APC: variants seen among roughly 807,000 people sequenced by gnomAD.
The protein encoded by APC is APC regulator of Wnt signaling pathway, also known as adenomatous polyposis coli protein.
APC carries 72 observed loss-of-function variants against 247.0 expected under a neutral mutation model. The ratio of observed to expected loss-of-function variants is 0.29; its 90% confidence interval spans 0.24 to 0.35. The LOEUF (loss-of-function observed/expected upper bound fraction) is 0.35. Among genes scored for constraint, APC ranks in the 10% least tolerant of loss-of-function variants. The pLI, the probability that APC is intolerant of heterozygous loss-of-function variation, is 1.00. For missense variants in APC, 3,400 were observed against 3,360.7 expected (o/e 1.01, Z -0.29); for synonymous variants, 1,254 against 1,162.5 (o/e 1.08, Z -1.60).
chr5:112,732,367 C>T (rs143553491), intron 1 of APC, among the ~76,000 whole-genome samples: 1,718 of 152,216 alleles, frequency 0.011, 33 homozygotes, highest in African/African-American at 0.039. Flanking sequence ...AAAAGCTCCT[C>T]GGAGTACTAA....
upstream of APC, among the ~76,000 whole-genome samples, chr5:112,736,716 C>G (rs924700193): frequency 6.6e-6 from 1 of 152,130 alleles, no homozygotes; most frequent in African/African-American, 2.4e-5. Flanking sequence ...GAGATTGAGA[C>G]CATCCTGGCC....
chr5:112,830,001 C>A (rs758813829), intron 14 of APC: 13 of 152,118 alleles, frequency 8.5e-5, no homozygotes, highest in Non-Finnish European at 1.3e-4. Flanking sequence ...CTTAGCTAGT[C>A]TAGGTTTCCT....
chr5:112,818,317 T>C (rs1762714110), intron 9 of APC, among the ~76,000 whole-genome samples: 1 of 152,234 alleles, frequency 6.6e-6, no homozygotes, highest in African/African-American at 2.4e-5. Flanking sequence ...GTAGAATTTA[T>C]TGTCAGAGAG....
intron 4 of APC, among the ~76,000 whole-genome samples, chr5:112,771,067 G>T (rs1756992609): frequency 6.6e-6 from 1 of 151,758 alleles, no homozygotes; most frequent in South Asian, 2.1e-4. Flanking sequence ...GAAATAAGTG[G>T]GTTTTTTTAG....
chr5:112,787,892 G>A (rs1164917036), intron 6 of APC, among the ~76,000 whole-genome samples: 1 of 152,054 alleles, frequency 6.6e-6, no homozygotes, highest in Admixed American at 6.6e-5. Flanking sequence ...TGTATGTTGT[G>A]GAGGCAGGAA....
intron 1 of APC, among the ~76,000 whole-genome samples, chr5:112,717,908 C>CTTTTTTTTTTTTTTT: frequency 0.016 from 658 of 40,674 alleles, 220 homozygotes; most frequent in Middle Eastern, 0.037. Flanking sequence ...TTTTCTTTTT[C>CTTTTTTTTTTTTTTT]TTTTTTTTTT....
intron 1 of APC, among the ~76,000 whole-genome samples, chr5:112,744,394 T>C (rs1753404734): frequency 6.6e-6 from 1 of 152,256 alleles, no homozygotes; most frequent in African/African-American, 2.4e-5. Flanking sequence ...TATATGGCTG[T>C]CGCTGAGTAA....
At chr5:112,799,848 G>A (rs1403334797) in intron 7 of APC, among the ~76,000 whole-genome samples, 1 of 152,018 alleles carries the variant, frequency 6.6e-6, no homozygotes, top group Non-Finnish European at 1.5e-5. Flanking sequence ...TGGGTCCTCT[G>A]CATGTGATCT....
intron 8 of APC, among the ~76,000 whole-genome samples, chr5:112,806,496 C>A (rs1761395988): frequency 1.3e-5 from 2 of 152,094 alleles, no homozygotes; most frequent in African/African-American, 2.4e-5. Context: ...CAGGCCAGAT[C>A]CCTGCTTGCT....
chr5:112,791,521 G>A (rs564529898), intron 6 of APC, among the ~76,000 whole-genome samples: 1 of 152,136 alleles, frequency 6.6e-6, no homozygotes, highest in African/African-American at 2.4e-5. Context: ...ACATGTGAGG[G>A]ATCTAGGTTG....
intron 1 of APC, among the ~76,000 whole-genome samples, chr5:112,732,421 G>A (rs770126496): frequency 7.9e-5 from 12 of 152,156 alleles, no homozygotes; most frequent in Admixed American, 3.9e-4. Context: ...ACTTAGTCCC[G>A]TGGCTGCATC....
At position 112,792,505 on chromosome 5, in the gene APC, A is replaced by G. The variant is rs147036141; in HGVS notation, c.705A>G (p.Leu235=). 4,971 of 1,612,706 alleles carry G rather than the reference A, an allele frequency of 3.1e-3. 13 individuals are homozygous for G. Among genetic ancestry groups the G allele is most frequent in the Non-Finnish European group, 3.8e-3 (4,447 of 1,179,172 alleles). ...ACATACTTCGTATACGACAGCTTTT[A>G]CAGTCCCAAGCAACAGAAGCAGAGG... ...EKDILRIRQL[L]QSQATEAERS... The change falls in exon 7 of 16, where the codon TTA becomes TTG. Residue 235 remains leucine (L), a synonymous_variant. Transcript: ENST00000257430.
chr5:112,723,293 C>T (rs745669850), intron 1 of APC, among the ~76,000 whole-genome samples: 5 of 152,034 alleles, frequency 3.3e-5, no homozygotes, highest in African/African-American at 4.8e-5. Context: ...GAGGCCCTGC[C>T]TCTACAAAAA....
chr5:112,748,883 G>T (rs1168128394), intron 1 of APC, among the ~76,000 whole-genome samples: 1 of 152,164 alleles, frequency 6.6e-6, no homozygotes, highest in Non-Finnish European at 1.5e-5. Flanking sequence ...TGTAGTCCCA[G>T]TTACTCTAGA....
intron 1 of APC, among the ~76,000 whole-genome samples, chr5:112,725,564 G>A (rs1003937560): frequency 6.6e-6 from 1 of 151,918 alleles, no homozygotes; most frequent in African/African-American, 2.4e-5. Context: ...GACCAGCCGG[G>A]GCAACATGGT....
At chr5:112,783,725 A>C in intron 6 of APC, 1 of 292,440 alleles carries the variant, frequency 3.4e-6, no homozygotes, top group South Asian at 2.9e-5. Flanking sequence ...TGAGCCCAGG[A>C]GTTCAAGGCT....
chr5:112,816,377 G>T (rs574370372), intron 9 of APC, among the ~76,000 whole-genome samples: 2 of 152,216 alleles, frequency 1.3e-5, no homozygotes, highest in Non-Finnish European at 2.9e-5. Flanking sequence ...AATATGTATT[G>T]AGGTGAATGG....
chr5:112,823,438 C>T (rs990394373), intron 11 of APC: 1 of 152,616 alleles, frequency 6.6e-6, no homozygotes, highest in Admixed American at 6.5e-5. Flanking sequence ...TCTCACTCCT[C>T]ACCTCCAGAT....
rs1580670325 is a variant in APC, at chr5:112,841,978, T to C, written c.6384T>C (p.Ala2128=). ...AAAAACLSRQ[A]SSDSDSILSL... ...CTGCTGCATGTTTATCTAGACAAGC[T>C]TCGTCTGATTCAGATTCCATCCTTT... The change falls in exon 16 of 16, where the codon GCT becomes GCC. Residue 2128 remains alanine (A), a synonymous_variant. Transcript: ENST00000257430. This position sits in a 1 kb window ranked among gnomAD's most constrained non-coding sequence, Gnocchi z 4.6. 1 of 1,613,186 alleles carries C rather than the reference T, an allele frequency of 6.2e-7. No homozygotes were observed.
Sources: gnomAD v4.1 joint callset for allele counts (sites outside exome capture counted in the v4.1 genomes callset) on GRCh38, gnomAD v4.1.1 for gene constraint, Gnocchi (gnomAD v3.1) non-coding constraint, MANE v1.5 for transcripts, NCBI Gene and HGNC (gene_info 2026-07-23, HGNC 2026-07-21) for gene names.